Variants in TOR1AIP2 observed in about 807,000 individuals in gnomAD.
The protein encoded by TOR1AIP2 is torsin 1A interacting protein 2, also known as torsin-1A-interacting protein 2.
TOR1AIP2 carries 20 observed loss-of-function variants against 32.6 expected under a neutral mutation model. The observed-to-expected ratio is 0.61, with a 90% CI of 0.43 to 0.89. TOR1AIP2 has a LOEUF of 0.89. TOR1AIP2 is among the 40% of genes least tolerant of loss of function. TOR1AIP2 has a pLI of 0.00. For synonymous variants in TOR1AIP2, 214 were observed against 210.8 expected (o/e 1.02, Z -0.13); for missense variants, 456 against 553.8 (o/e 0.82, Z 1.77).
In TOR1AIP2 at chr1:179,846,705, C is replaced by T; in HGVS notation, c.779G>A (p.Ser260Asn). 6.2e-7 allele frequency: 1 copy of T among 1,614,084 alleles called. No individual in the cohort carries two copies. Among genetic ancestry groups the T allele is most frequent in the Non-Finnish European group, 8.5e-7 (1 of 1,180,024 alleles). Residue 260 changes from serine (S) to asparagine (N), a missense_variant, in exon 7 of 7, where the codon AGC becomes AAC. By Grantham distance (46) the Ser-to-Asn change is conservative. Transcript: ENST00000609928. ...PALEAFLAQF[S>N]QLEDKFPGQS... The stretch of plus-strand genomic sequence containing the variant: ...GCCTGGAAATTTATCTTCCAATTGG[C>T]TAAACTGGGCCAAAAAGGCCTCCAA...
chr1:179,869,436 A>G lies in TOR1AIP2; in HGVS notation c.-565-3582T>C, dbSNP rs565264532. Among the ~76,000 whole-genome samples, 6 of 152,334 alleles carry G rather than the reference A, an allele frequency of 3.9e-5. No individual in the cohort carries two copies. The South Asian group carries it at 8.3e-4, about 21-fold the overall frequency. On this transcript the variant is annotated intron_variant, in intron 2 of 6. Transcript: ENST00000609928. ...TTTAACTGGGTGAAGGTACAAGAAT[A>G]CCCACTGTATCATAAATCCTAATAG...
Position 179,850,932 on chromosome 1 carries a change from T to C in TOR1AIP2, c.466A>G (p.Thr156Ala), listed in dbSNP as rs778038876. The change falls in exon 5 of 7, where the codon ACA becomes GCA. Residue 156 changes from threonine to alanine, a missense_variant. Transcript: ENST00000609928. ...GTGASQEPPT[T>A]DSQEAQSPGH... ...GGACTCTGGGCCTCCTGGGAGTCTG[T>C]AGTAGGTGGTTCCTGAGATGCTCCA... 1.2e-6 allele frequency: 2 copies of C among 1,614,208 alleles called. No individual in the cohort carries two copies. Among genetic ancestry groups the C allele is most frequent in the East Asian group, 4.5e-5 (2 of 44,884 alleles).
intron 4 of TOR1AIP2, among the ~76,000 whole-genome samples, 153 bp from the exon 5 acceptor site, chr1:179,851,516 C>T (rs1696116326): frequency 1.3e-5 from 2 of 151,958 alleles, no homozygotes; most frequent in South Asian, 4.2e-4. Context: ...CCACTAAAGG[C>T]AATTAAAACA....
At position 179,845,846 on chromosome 1, in the gene TOR1AIP2, G is replaced by A. The variant is rs1266788264; in HGVS notation, c.*225C>T. 7 of 482,654 alleles carry A rather than the reference G, an allele frequency of 1.5e-5. No individual in the cohort carries two copies. The highest frequency in any genetic ancestry group is 2.1e-5 in the Non-Finnish European group (6 of 279,926). The allele number at this position is 482,654 out of a possible 1,614,324, so 29.9% of individuals were successfully genotyped here. A position where few individuals can be genotyped will look rare whatever the true frequency, so the allele number is the denominator to read the frequency against. ...TCATCGATATTTCAAACCTGATTTG[G>A]TCCAAAGAAAAAAAGTCAGGTTAAT... On this transcript the variant is annotated 3_prime_UTR_variant, in exon 7 of 7. Transcript: ENST00000609928.
intron 3 of TOR1AIP2, among the ~76,000 whole-genome samples, chr1:179,853,683 CTT>C (rs1447889599): frequency 6.6e-6 from 1 of 152,150 alleles, no homozygotes; most frequent in African/African-American, 2.4e-5. Context: ...TCTCAGTACT[CTT>C]TTGTAAAATT....
intron 2 of TOR1AIP2, chr1:179,874,296 C>T (rs1450080430): frequency 6.6e-6 from 1 of 152,220 alleles, no homozygotes; most frequent in Non-Finnish European, 1.5e-5. Flanking sequence ...TGCCTGCAGT[C>T]TCAGTTATTT....
At chr1:179,851,922 G>A (rs137859707) in intron 4 of TOR1AIP2, among the ~76,000 whole-genome samples, 3,420 of 152,280 alleles carry the variant, frequency 0.022, 52 homozygotes, top group Non-Finnish European at 0.033. Flanking sequence ...ATTAAATTAT[G>A]CCTCAAGAAT....
intron 2 of TOR1AIP2, among the ~76,000 whole-genome samples, chr1:179,866,893 G>A (rs1696805719): frequency 1.3e-5 from 2 of 152,218 alleles, no homozygotes; most frequent in South Asian, 4.1e-4. Context: ...AGGTGGGACA[G>A]TAGGATGTAT....
At chr1:179,859,777 A>G in intron 3 of TOR1AIP2, 1 of 985,470 alleles carries the variant, frequency 1.0e-6, no homozygotes, top group Non-Finnish European at 1.2e-6. Context: ...CTACAGGCTC[A>G]ACCTCATCCC....
rs919233575 is a variant in TOR1AIP2 at position 179,842,544 on chromosome 1, C to T, written c.*3527G>A. 1.3e-5 allele frequency: 2 copies of T among 152,096 alleles called. No homozygotes were observed. The highest frequency in any genetic ancestry group is 3.9e-4 in the East Asian group (2 of 5,188). 9.4% of individuals were successfully genotyped at this position (152,096 alleles called of 1,614,324 possible). A position where few individuals can be genotyped will look rare whatever the true frequency, so the allele number is the denominator to read the frequency against. Reference sequence around the variant, plus strand: ...CAGTTTCTGATTCTACCAATTGGTTCTACAATTCTGGGATTACTCAAGAAG... The same window carrying T: ...CAGTTTCTGATTCTACCAATTGGTTTTACAATTCTGGGATTACTCAAGAAG... On this transcript the variant is annotated 3_prime_UTR_variant, in exon 7 of 7. Coordinates refer to ENST00000609928, the MANE Select transcript of TOR1AIP2 (RefSeq NM_001199260.2).
chr1:179,871,368 C>T (rs1697004292), intron 2 of TOR1AIP2, among the ~76,000 whole-genome samples: 1 of 152,180 alleles, frequency 6.6e-6, no homozygotes, highest in Non-Finnish European at 1.5e-5. Context: ...AGTACTTTCA[C>T]ACCAAAATAG....
Position 179,850,943 on chromosome 1 carries a change from T to C in TOR1AIP2, c.455A>G (p.Glu152Gly). The change falls in exon 5 of 7, where the codon GAA (glutamate) becomes GGA (glycine). Residue 152 changes from glutamate (E) to glycine (G), a missense_variant. Physicochemically the swap from Glu to Gly is moderately conservative, Grantham distance 98. Transcript: ENST00000609928. ...CTCCTGGGAGTCTGTAGTAGGTGGT[T>C]CCTGAGATGCTCCAGTTCCGTCACT... ...EASDGTGASQ[E>G]PPTTDSQEAQ... is the part of the protein sequence containing the mutation. 5.0e-6 allele frequency: 8 copies of C among 1,614,160 alleles called. No homozygotes were observed. The highest frequency in any genetic ancestry group is 6.8e-6 in the Non-Finnish European group (8 of 1,180,014).
Position 179,846,386 on chromosome 1 carries a change from G to C in TOR1AIP2, c.1098C>G (p.His366Gln). ...ENGQKAAVVH[H>Q]FESFPAGSTL... is the part of the protein sequence containing the mutation. ...TGGAGCCGGCAGGGAAGGATTCGAA[G>C]TGGTGTACCACAGCAGCCTTCTGGC... The change falls in exon 7 of 7, where the codon CAC becomes CAG. Residue 366 changes from histidine to glutamine, a missense_variant. Physicochemically the swap from His to Gln is conservative, Grantham distance 24 (BLOSUM62 0). Transcript: ENST00000609928. 3 of 1,614,202 alleles carry C rather than the reference G, an allele frequency of 1.9e-6. No homozygotes were observed. The highest frequency in any genetic ancestry group is 8.5e-7 in the Non-Finnish European group (1 of 1,180,044).
intron 2 of TOR1AIP2, among the ~76,000 whole-genome samples, chr1:179,869,350 G>T (rs945966655): frequency 1.3e-5 from 2 of 152,144 alleles, no homozygotes; most frequent in Non-Finnish European, 2.9e-5. Flanking sequence ...TGATGGGAGA[G>T]GGAAGGGTGG....
At chr1:179,864,305 C>T (rs1696678104) in intron 3 of TOR1AIP2, 1 of 985,386 alleles carries the variant, frequency 1.0e-6, no homozygotes, top group Non-Finnish European at 1.2e-6. Context: ...CATCACTGAC[C>T]AATGCATAAG....
rs752934673 is a variant in TOR1AIP2, at chr1:179,851,016, C to T, written c.382G>A (p.Ala128Thr). The change falls in exon 5 of 7, where the codon GCA becomes ACA. Residue 128 changes from alanine (A) to threonine (T), a missense_variant. Physicochemically the swap from Ala to Thr is moderately conservative, Grantham distance 58. Transcript: ENST00000609928. Reference sequence around the variant, plus strand: ...GAGCTGCTCCCTAAGTGTGCATCTGCTCTTCCTACCTTGTCACTTGGAGAA... The same window carrying T: ...GAGCTGCTCCCTAAGTGTGCATCTGTTCTTCCTACCTTGTCACTTGGAGAA... The part of the protein sequence containing the change: ...SHSPSDKVGR[A>T]DAHLGSSSVA... 5 of 1,614,214 alleles carry T rather than the reference C, an allele frequency of 3.1e-6. No individual in the cohort carries two copies. Among genetic ancestry groups the T allele is most frequent in the Admixed American group, 1.7e-5 (1 of 60,022 alleles).
chr1:179,866,136 C>T (rs1364207313), intron 2 of TOR1AIP2, among the ~76,000 whole-genome samples: 1 of 152,080 alleles, frequency 6.6e-6, no homozygotes, highest in Non-Finnish European at 1.5e-5. Flanking sequence ...TCACGTCTAA[C>T]CTGGTAAAAC....
At position 179,843,882 on chromosome 1, in the gene TOR1AIP2, A is replaced by AATTG. The variant is rs1300240407; in HGVS notation, c.*2185_*2188dup. ...CAGACAGAAAACTGACAACACCCTC[A>AATTG]ATTGATTGCACTATACATGGAAGGG... is the stretch of plus-strand genomic sequence containing the variant. On this transcript the variant is annotated 3_prime_UTR_variant, in exon 7 of 7. Coordinates refer to ENST00000609928, the MANE Select transcript of TOR1AIP2 (RefSeq NM_001199260.2). The AATTG allele has an allele frequency of 2.0e-5, 3 of 151,892 alleles. No individual in the cohort carries two copies. The highest frequency in any genetic ancestry group is 4.8e-5 in the African/African-American group (2 of 41,350). 9.4% of individuals were successfully genotyped at this position (151,892 alleles called of 1,614,324 possible).
intron 5 of TOR1AIP2, 123 bp downstream of exon 5, chr1:179,850,722 C>T: frequency 8.0e-7 from 1 of 1,248,458 alleles, no homozygotes. Context: ...TGGGCAAGGC[C>T]CAAAGGCCTT....
Sources: allele counts gnomAD v4.1 joint callset (sites outside exome capture counted in the v4.1 genomes callset), GRCh38; gene constraint gnomAD v4.1.1; transcripts MANE v1.5; gene names NCBI Gene and HGNC (gene_info 2026-07-23, HGNC 2026-07-21).